Variants in CC2D2B observed in about 807,000 individuals in gnomAD.
The protein encoded by CC2D2B is coiled-coil and C2 domain containing 2B.
Under a neutral mutation model 161.2 loss-of-function variants are expected in CC2D2B, and 128 were observed. The ratio of observed to expected loss-of-function variants is 0.79; its 90% CI spans 0.69 to 0.92. The LOEUF is 0.92. CC2D2B is among the 40% of genes least tolerant of loss of function. The pLI is 0.00. For synonymous variants in CC2D2B, 391 were observed against 449.8 expected (o/e 0.87, Z 1.65); for missense variants, 1,173 against 1,375.1 (o/e 0.85, Z 2.32).
chr10:96,032,133 T>C lies in CC2D2B; in HGVS notation c.*125T>C. ...GCTAAGTGCTGGGCCCAATTTTTGA[T>C]TCACTTACAGAGCTGGGCACTATGG... On this transcript the variant is annotated 3_prime_UTR_variant, in exon 35 of 35. Transcript: ENST00000646931. 1.4e-6 allele frequency: 1 copy of C among 695,244 alleles called. No homozygotes were observed. The highest frequency in any genetic ancestry group is 1.8e-5 in the African/African-American group (1 of 55,774). 43.1% of individuals were successfully genotyped at this position (695,244 alleles called of 1,614,324 possible).
At chr10:96,022,942 G>C (rs1202910757) in intron 32 of CC2D2B, among the ~76,000 whole-genome samples, 1 of 152,158 alleles carries the variant, frequency 6.6e-6, no homozygotes, top group African/African-American at 2.4e-5. Context: ...AGCTGGCCTA[G>C]ATAAAAGTCA....
At chr10:95,962,046 G>A in intron 12 of CC2D2B, 77 bp downstream of exon 12, 1 of 1,073,966 alleles carries the variant, frequency 9.3e-7, no homozygotes, top group Non-Finnish European at 1.2e-6. Context: ...ACAGTGACTA[G>A]GAAGACATCC....
intron 24 of CC2D2B, among the ~76,000 whole-genome samples, chr10:96,002,282 G>T (rs546780850): frequency 2.2e-4 from 33 of 152,160 alleles, no homozygotes; most frequent in Non-Finnish European, 2.4e-4. Context: ...ACTTTTTGTT[G>T]CCTCTGATAC....
intron 25 of CC2D2B, among the ~76,000 whole-genome samples, chr10:96,009,153 C>A (rs1358550158): frequency 6.6e-6 from 1 of 151,724 alleles, no homozygotes; most frequent in Non-Finnish European, 1.5e-5. Context: ...TTTTTATTTT[C>A]TTTTAAGCTG....
chr10:96,026,999 T>G (rs2141969011), intron 33 of CC2D2B, among the ~76,000 whole-genome samples: 1 of 152,266 alleles, frequency 6.6e-6, no homozygotes, highest in Non-Finnish European at 1.5e-5. Context: ...GGCAGGTGCC[T>G]GTAATCCCAG....
At chr10:95,932,125 AT>A (rs2075625012) in intron 6 of CC2D2B, among the ~76,000 whole-genome samples, 1 of 152,174 alleles carries the variant, frequency 6.6e-6, no homozygotes, top group South Asian at 2.1e-4. Context: ...ATCCTTTACC[AT>A]TATGTAATGC....
chr10:95,924,323 C>G lies in CC2D2B; in HGVS notation c.107C>G (p.Ala36Gly). The G allele has an allele frequency of 6.6e-7, 1 of 1,503,944 alleles. No homozygotes were observed. The highest frequency in any genetic ancestry group is 8.9e-7 in the Non-Finnish European group (1 of 1,120,138). The allele number at this position is 1,503,944 out of a possible 1,614,324, so 93.2% of individuals were successfully genotyped here. A position where few individuals can be genotyped will look rare whatever the true frequency, so the allele number is the denominator to read the frequency against. Residue 36 changes from alanine to glycine, a missense_variant, in exon 4 of 35, where the codon GCA (alanine) becomes GGA (glycine). Coordinates refer to ENST00000646931, the MANE Select transcript of CC2D2B (RefSeq NM_001349008.3). ...IDKHLQKDLD[A>G]EENQNVAKTL... is the part of the protein sequence containing the mutation. ...GTTGGTTTCCTGATAGATTTAGATG[C>G]AGAAGAAAATCAAAATGTAGCAAAG...
chr10:95,967,292 G>T (rs1334237262), intron 14 of CC2D2B, among the ~76,000 whole-genome samples: 1 of 151,974 alleles, frequency 6.6e-6, no homozygotes, highest in Non-Finnish European at 1.5e-5. Flanking sequence ...CTAAACAAGG[G>T]GAAGAATACA....
At chr10:96,027,689 C>G (rs894297653) in intron 34 of CC2D2B, among the ~76,000 whole-genome samples, 1 of 152,046 alleles carries the variant, frequency 6.6e-6, no homozygotes, top group Non-Finnish European at 1.5e-5. Context: ...TCAAAGCTAT[C>G]CTAAGCAAAA....
At chr10:96,013,689 T>C in intron 28 of CC2D2B, 99 bp from the exon 29 acceptor site, 1 of 614,360 alleles carries the variant, frequency 1.6e-6, no homozygotes, top group South Asian at 2.2e-5. Flanking sequence ...TCTACTTTTA[T>C]AGGCTTAGAT....
intron 33 of CC2D2B, among the ~76,000 whole-genome samples, chr10:96,025,168 T>TAAAAAAAAAAAAAA (rs1564683736): frequency 8.0e-5 from 1 of 12,522 alleles, no homozygotes; most frequent in Non-Finnish European, 1.3e-4. Flanking sequence ...TATATATATA[T>TAAAAAAAAAAAAAA]ATATATATAT....
At chr10:96,012,057 A>G in intron 26 of CC2D2B, 128 bp from the exon 27 acceptor site, 1 of 524,506 alleles carries the variant, frequency 1.9e-6, no homozygotes, top group Non-Finnish European at 3.3e-6. Context: ...GGCAAGTGCA[A>G]ATGAGTAGAA....
intron 9 of CC2D2B, among the ~76,000 whole-genome samples, chr10:95,942,255 G>A (rs1431222671): frequency 6.6e-6 from 1 of 152,110 alleles, no homozygotes; most frequent in African/African-American, 2.4e-5. Context: ...GTACAACATT[G>A]TGCTTATAGT....
At chr10:95,931,124 G>C (rs563027187) in intron 6 of CC2D2B, among the ~76,000 whole-genome samples, 1 of 152,180 alleles carries the variant, frequency 6.6e-6, no homozygotes, top group Non-Finnish European at 1.5e-5. Context: ...GAGGGTGTAT[G>C]TGTCCAGGAA....
At chr10:95,987,776 T>C (rs1222492794) in intron 19 of CC2D2B, among the ~76,000 whole-genome samples, 1 of 152,200 alleles carries the variant, frequency 6.6e-6, no homozygotes, top group African/African-American at 2.4e-5. Flanking sequence ...GCATTATTAT[T>C]ATTACTGAAG....
intron 12 of CC2D2B, among the ~76,000 whole-genome samples, chr10:95,962,346 C>A (rs926288803): frequency 2.6e-5 from 4 of 151,936 alleles, no homozygotes; most frequent in Non-Finnish European, 5.9e-5. Flanking sequence ...GTGCTACACA[C>A]CTATTAGAAT....
chr10:95,977,666 A>G (rs1389399817), intron 17 of CC2D2B, among the ~76,000 whole-genome samples: 1 of 152,352 alleles, frequency 6.6e-6, no homozygotes, highest in East Asian at 1.9e-4. Context: ...TAGATCTAAA[A>G]GTGTCTTTAT....
chr10:95,969,347 A>C (rs1331179122), intron 15 of CC2D2B, among the ~76,000 whole-genome samples: 1 of 152,176 alleles, frequency 6.6e-6, no homozygotes, highest in Non-Finnish European at 1.5e-5. Flanking sequence ...CAGATGAAAG[A>C]ACATACACAC....
In CC2D2B at chr10:95,992,594, A is replaced by G. The variant is rs954921626; in HGVS notation, c.2539A>G (p.Arg847Gly). 8.1e-7 allele frequency: 1 copy of G among 1,234,332 alleles called. No individual in the cohort carries two copies. Among genetic ancestry groups the G allele is most frequent in the Non-Finnish European group, 1.0e-6 (1 of 988,094 alleles). The allele number at this position is 1,234,332 out of a possible 1,614,324, so 76.5% of individuals were successfully genotyped here. A position where few individuals can be genotyped will look rare whatever the true frequency, so the allele number is the denominator to read the frequency against. ...AAAGTTAAAACCTCAGAGGAAAGAA[A>G]GGAAAAAAGTCACAGCGCAGGCGAT... ...RRKLKPQRKE[R>G]KKVTAQAISD... is the part of the protein sequence containing the mutation. Residue 847 changes from arginine (R) to glycine (G), a missense_variant, in exon 22 of 35, where the codon AGG becomes GGG. Around this residue, in one of 3 missense-constraint regions of CC2D2B, gnomAD observed 598 missense variants for 693.2 expected, o/e 0.86. Coordinates refer to ENST00000646931, the MANE Select transcript of CC2D2B (RefSeq NM_001349008.3).
Sources: allele counts gnomAD v4.1 joint callset (sites outside exome capture counted in the v4.1 genomes callset), GRCh38; gene constraint gnomAD v4.1.1; regional missense constraint gnomAD v4.1.1; transcripts MANE v1.5; gene names NCBI Gene and HGNC (gene_info 2026-07-23, HGNC 2026-07-21).